Variants in MSL3 observed in about 807,000 individuals in gnomAD.
MSL3 encodes MSL complex subunit 3.
In MSL3, 5 loss-of-function variants were observed where a neutral mutation model predicts 37.2. The ratio of observed to expected loss-of-function variants is 0.13; its 90% CI spans 0.07 to 0.28. MSL3 has a LOEUF of 0.28. Ranked by LOEUF, MSL3 falls within the 10% of genes least tolerant of loss-of-function variation. MSL3 has a pLI of 1.00. For synonymous variants in MSL3, 149 were observed against 147.6 expected, an observed-to-expected ratio of 1.01 and a Z score of -0.07; for missense variants, 315 against 408.5, an observed-to-expected ratio of 0.77 and a Z score of 1.97.
chrX:11,761,751 C>T (rs911395926), intron 5 of MSL3, among the ~76,000 whole-genome samples, 169 bp downstream of exon 5: 1 of 111,795 alleles, frequency 8.9e-6, no homozygotes, highest in Non-Finnish European at 1.9e-5. Context: ...TTATAGTCGC[C>T]GTATGAGTCT....
Position 11,771,236 on chromosome X carries a change from C to A in MSL3, c.1282-920C>A, listed in dbSNP as rs1207976528. Among the ~76,000 whole-genome samples, 3 of 112,259 alleles carry A rather than the reference C, an allele frequency of 2.7e-5. No homozygotes were observed. The Admixed American group carries it at 2.8e-4, about 11-fold the overall frequency. On this transcript the variant is annotated intron_variant, in intron 10 of 12. Transcript: ENST00000312196. The stretch of plus-strand genomic sequence containing the variant: ...ACTGTTTCCATATTGAATATGACGT[C>A]CCAAAAGCCAAAGTAGCAGCTCAGT...
chrX:11,767,833 G>A, intron 9 of MSL3: 1 of 729,225 alleles, frequency 1.4e-6, no homozygotes, highest in Non-Finnish European at 1.6e-6. Context: ...GCCAGTTTGG[G>A]GCATTTCATA....
At chrX:11,767,994 AT>A (rs2053200109) in intron 9 of MSL3, 6 of 705,610 alleles carry the variant, frequency 8.5e-6, no homozygotes, top group Admixed American at 8.7e-5. Context: ...TGTACTTTTT[AT>A]TTTTTATTTG....
chrX:11,770,889 A>T (rs956168042), intron 10 of MSL3, among the ~76,000 whole-genome samples: 2 of 112,283 alleles, frequency 1.8e-5, no homozygotes, highest in Non-Finnish European at 3.8e-5. Context: ...CCTTTGAGTC[A>T]CTTTCAGAAT....
chrX:11,762,024 A>G, intron 5 of MSL3, 106 bp from the exon 6 acceptor site: 1 of 611,042 alleles, frequency 1.6e-6, no homozygotes, highest in Non-Finnish European at 2.4e-6. Flanking sequence ...CACGTGGCAT[A>G]CTATGATTGT....
chrX:11,763,009 CA>C lies in MSL3; in HGVS notation c.749+13del. ...CCAGCAGAAAAGAAGTGAGTACTGG[CA>C]TGTTTGGTGTTTTGTGGTTCTCTCT... On this transcript the variant is annotated intron_variant, in intron 7 of 12. Coordinates refer to ENST00000312196, the MANE Select transcript of MSL3 (RefSeq NM_078629.4). 8.4e-7 allele frequency: 1 copy of C among 1,186,847 alleles called. No individual in the cohort carries two copies.
chrX:11,758,953 A>T (rs1441735305), intron 1 of MSL3, among the ~76,000 whole-genome samples: 1 of 111,747 alleles, frequency 8.9e-6, no homozygotes, highest in East Asian at 2.8e-4. Context: ...ACTCTGAAGG[A>T]TTTACGTGGG....
At chrX:11,758,647 A>G in intron 1 of MSL3, 1 of 1,160,576 alleles carries the variant, frequency 8.6e-7, no homozygotes, top group Non-Finnish European at 1.1e-6. Flanking sequence ...TGCGCCCCCG[A>G]CTGCAACGGT....
intron 2 of MSL3, 108 bp downstream of exon 2, chrX:11,759,983 G>T: frequency 2.2e-6 from 2 of 928,700 alleles, no homozygotes; most frequent in Non-Finnish European, 1.5e-6. Context: ...TTCATTTCCT[G>T]CTTTTACTTT....
rs1370841702 is a variant in MSL3, at chrX:11,772,258, A to G, written c.1381+3A>G. Reference sequence around the variant, plus strand: ...ACAACATTTGCTGCGATTGTTTGGTAAGAATCCTGGTTCCTGCCTTCTTTC... The same window carrying G: ...ACAACATTTGCTGCGATTGTTTGGTGAGAATCCTGGTTCCTGCCTTCTTTC... On this transcript the variant is annotated splice_donor_region_variant and intron_variant, in intron 11 of 12. Coordinates refer to ENST00000312196, the MANE Select transcript of MSL3 (RefSeq NM_078629.4). The G allele has an allele frequency of 4.2e-6, 5 of 1,177,824 alleles. No homozygotes were observed. Among genetic ancestry groups the G allele is most frequent in the Non-Finnish European group, 4.6e-6 (4 of 867,285 alleles).
Position 11,772,845 on chromosome X carries a change from G to A in MSL3, c.1466+140G>A, listed in dbSNP as rs181814642. On this transcript the variant is annotated intron_variant, in intron 12 of 12. Transcript: ENST00000312196. The stretch of plus-strand genomic sequence containing the variant: ...TACCTAAGCATGGTTGGTTCTAACC[G>A]TAATGGGAATTAGGAGTGGGTTTTT... 946 of 362,186 alleles carry A rather than the reference G, an allele frequency of 2.6e-3. 2 individuals carry two copies. Among genetic ancestry groups the A allele is most frequent in the Middle Eastern group, 3.7e-3 (6 of 1,601 alleles). The allele number at this position is 362,186 out of a possible 1,213,427, so 29.8% of individuals were successfully genotyped here.
In MSL3 at chrX:11,775,409, C is replaced by T; in HGVS notation, c.*330C>T. 5.9e-6 allele frequency: 1 copy of T among 170,183 alleles called. No individual in the cohort carries two copies. The allele number at this position is 170,183 out of a possible 1,213,427, so 14.0% of individuals were successfully genotyped here. A position where few individuals can be genotyped will look rare whatever the true frequency, so the allele number is the denominator to read the frequency against. On this transcript the variant is annotated 3_prime_UTR_variant, in exon 13 of 13. Transcript: ENST00000312196. ...TTAGTTAGCAAGAACCACATTGTCT[C>T]TTTATTTGTTAGCATTAAACAAATT...
intron 5 of MSL3, among the ~76,000 whole-genome samples, 192 bp from the exon 6 acceptor site, chrX:11,761,938 T>G (rs1176510309): frequency 8.9e-6 from 1 of 112,159 alleles, no homozygotes; most frequent in African/African-American, 3.2e-5. Flanking sequence ...GGGAAAGAAA[T>G]GAAATACATA....
In MSL3 at chrX:11,761,653, C is replaced by T. The variant is rs1218923183; in HGVS notation, c.465+71C>T. ...AGTGGTAAAAATTCACAGTGAAATA[C>T]TCCAGTTGTGAATTGTTTTCTAAAG... On this transcript the variant is annotated intron_variant, in intron 5 of 12. Coordinates refer to ENST00000312196, the MANE Select transcript of MSL3 (RefSeq NM_078629.4). 6 of 578,738 alleles carry T rather than the reference C, an allele frequency of 1.0e-5. No homozygotes were observed. In the African/African-American group the frequency reaches 1.2e-4, roughly 11 times the overall value. 47.7% of individuals were successfully genotyped at this position (578,738 alleles called of 1,213,427 possible).
At chrX:11,771,881 A>T (rs982820649) in intron 10 of MSL3, among the ~76,000 whole-genome samples, 1 of 112,451 alleles carries the variant, frequency 8.9e-6, no homozygotes, top group African/African-American at 3.2e-5. Flanking sequence ...GCGCCTGGCC[A>T]TGCAGCAGAA....
chrX:11,758,359 T>C lies in MSL3; in HGVS notation c.96T>C (p.Asp32=). Residue 32 remains aspartate, a synonymous_variant, in exon 1 of 13, where the codon GAT becomes GAC. Transcript: ENST00000312196. ...CCACCAAGGCGCGAGTGCTGTACGA[T>C]GCCAAGGTGCCGCCGCGGAGGGACA... ...PDPTKARVLY[D]AKIVDVIVGK... is the part of the protein sequence containing the mutation. The C allele has an allele frequency of 9.0e-7, 1 of 1,108,649 alleles. No homozygotes were observed. Among genetic ancestry groups the C allele is most frequent in the Non-Finnish European group, 1.2e-6 (1 of 840,811 alleles). 91.4% of individuals were successfully genotyped at this position (1,108,649 alleles called of 1,213,427 possible). A position where few individuals can be genotyped will look rare whatever the true frequency, so the allele number is the denominator to read the frequency against.
In MSL3 at chrX:11,765,559, C is replaced by A; in HGVS notation, c.1001C>A (p.Thr334Asn). Residue 334 changes from threonine to asparagine, a missense_variant, in exon 9 of 13, where the codon ACC (threonine) becomes AAC (asparagine). Thr to Asn is a moderately conservative substitution (Grantham distance 65). Transcript: ENST00000312196. ...CAGCCGACCACCGGTGAACCAGCCA[C>A]CCCCAAAAGGCGCAAAGCTGAGCCA... ...ESQPTTGEPA[T>N]PKRRKAEPEA... 8.3e-7 allele frequency: 1 copy of A among 1,211,337 alleles called. No individual in the cohort carries two copies. The highest frequency in any genetic ancestry group is 1.1e-6 in the Non-Finnish European group (1 of 895,307).
intron 10 of MSL3, among the ~76,000 whole-genome samples, chrX:11,769,783 T>C (rs1309254079): frequency 1.8e-5 from 2 of 111,720 alleles, no homozygotes; most frequent in Non-Finnish European, 3.8e-5. Flanking sequence ...TTTTGCATTT[T>C]TTTGTAGAGA....
chrX:11,759,680 T>C, intron 1 of MSL3, 113 bp from the exon 2 acceptor site: 1 of 1,158,864 alleles, frequency 8.6e-7, no homozygotes, highest in Non-Finnish European at 1.2e-6. Context: ...GCTGTCGGTC[T>C]AAAAGAGGAG....
Sources: gnomAD v4.1 joint callset for allele counts (sites outside exome capture counted in the v4.1 genomes callset) on GRCh38, gnomAD v4.1.1 for gene constraint, MANE v1.5 for transcripts, NCBI Gene and HGNC (gene_info 2026-07-23, HGNC 2026-07-21) for gene names.